Variants in PRR16 observed in about 807,000 individuals in gnomAD.
PRR16 encodes the protein protein Largen.
PRR16 carries 6 observed loss-of-function variants against 18.2 expected under a neutral mutation model. That is an observed-to-expected ratio of 0.33 (90% CI 0.18 to 0.65). PRR16 has a LOEUF of 0.65. Among genes scored for constraint, PRR16 ranks in the 30% least tolerant of loss-of-function variants. The pLI is 0.74. For synonymous variants in PRR16, 151 were observed against 147.8 expected (o/e 1.02, Z -0.16); for missense variants, 412 against 376.6 (o/e 1.09, Z -0.78).
chr5:120,527,780 T>C lies in PRR16; in HGVS notation c.159+63135T>C, dbSNP rs1415979722. Among the ~76,000 whole-genome samples, 3 of 152,110 alleles carry C rather than the reference T, an allele frequency of 2.0e-5. No homozygotes were observed. The East Asian group carries it at 5.8e-4, about 29-fold the overall frequency. On this transcript the variant is annotated intron_variant, in intron 1 of 1. Transcript: ENST00000407149. The stretch of plus-strand genomic sequence containing the variant: ...CCTATTTGAGTGTTCCCAGATATAG[T>C]GGCTGTTTTAGCAGAAGGGAGAGAA...
At chr5:120,595,394 T>C (rs77283898) in intron 1 of PRR16, among the ~76,000 whole-genome samples, 8,890 of 150,938 alleles carry the variant, frequency 0.059, 338 homozygotes, top group South Asian at 0.084. Flanking sequence ...CACAATGAGA[T>C]ACCATTTCAC....
chr5:120,763,056 C>T, the PRR16 span, among the ~76,000 whole-genome samples: 5 of 152,110 alleles, frequency 3.3e-5, no homozygotes, highest in South Asian at 2.1e-4. Flanking sequence ...GTGGCATACT[C>T]GGCACCTTTT....
At position 120,464,515 on chromosome 5, in the gene PRR16, C is replaced by A; in HGVS notation, c.29C>A (p.Ser10Tyr). Residue 10 changes from serine (S) to tyrosine (Y), a missense_variant, in exon 1 of 2, where the codon TCC (serine) becomes TAC (tyrosine). By Grantham distance (144) the Ser-to-Tyr change is moderately radical. Coordinates refer to ENST00000407149, the MANE Select transcript of PRR16 (RefSeq NM_001300783.2). MSAKSKGNP[S>Y]SSCPAEGPPA... ...TCAGCCAAGTCCAAGGGGAACCCCT[C>A]CTCGTCCTGTCCAGCCGAGGGACCG... 2 of 1,591,894 alleles carry A rather than the reference C, an allele frequency of 1.3e-6. No individual in the cohort carries two copies. Among genetic ancestry groups the A allele is most frequent in the Non-Finnish European group, 1.7e-6 (2 of 1,177,252 alleles).
At chr5:120,604,747 G>A (rs1024511366) in intron 1 of PRR16, among the ~76,000 whole-genome samples, 12 of 152,106 alleles carry the variant, frequency 7.9e-5, no homozygotes, top group East Asian at 3.8e-4. Flanking sequence ...AATTACCTTA[G>A]CATTTACTTG....
intron 1 of PRR16, among the ~76,000 whole-genome samples, chr5:120,610,766 G>A (rs1754309552): frequency 6.6e-6 from 1 of 152,044 alleles, no homozygotes; most frequent in African/African-American, 2.4e-5. Context: ...GTCTTTATCA[G>A]TAGCATAAAA....
the PRR16 span, among the ~76,000 whole-genome samples, chr5:120,777,219 T>C: frequency 6.6e-6 from 1 of 152,064 alleles, no homozygotes; most frequent in Admixed American, 6.6e-5. Context: ...AATAACCAAA[T>C]GAGTTTTATT....
intron 1 of PRR16, among the ~76,000 whole-genome samples, chr5:120,653,016 C>T (rs1457211896): frequency 6.6e-6 from 1 of 151,938 alleles, no homozygotes; most frequent in Non-Finnish European, 1.5e-5. Flanking sequence ...ACCTAAAATG[C>T]AGCCGAGTAA....
chr5:120,693,482 G>A, the PRR16 span, among the ~76,000 whole-genome samples: 1 of 152,230 alleles, frequency 6.6e-6, no homozygotes, highest in Non-Finnish European at 1.5e-5. Context: ...CAAAATGGAT[G>A]AGGCAAAACG....
chr5:120,701,094 C>T, the PRR16 span, among the ~76,000 whole-genome samples: 15 of 152,274 alleles, frequency 9.9e-5, no homozygotes, highest in African/African-American at 2.2e-4. Flanking sequence ...AACGCCTGGC[C>T]GCTGCAGTTC....
chr5:120,734,417 A>G, the PRR16 span, among the ~76,000 whole-genome samples: 12 of 152,160 alleles, frequency 7.9e-5, no homozygotes, highest in African/African-American at 2.7e-4. Flanking sequence ...TCTTTTCACT[A>G]GGAAGGAAAG....
the PRR16 span, among the ~76,000 whole-genome samples, chr5:120,694,006 G>C: frequency 2.0e-5 from 3 of 152,088 alleles, no homozygotes; most frequent in Non-Finnish European, 4.4e-5. Flanking sequence ...TTACCACCCA[G>C]TTTCCTAACA....
intron 1 of PRR16, among the ~76,000 whole-genome samples, chr5:120,627,417 T>G (rs1412517386): frequency 2.0e-5 from 3 of 152,104 alleles, no homozygotes; most frequent in Admixed American, 6.6e-5. Context: ...AAGATTCTTT[T>G]GGCAGCATAT....
chr5:120,516,147 G>C (rs962723313), intron 1 of PRR16, among the ~76,000 whole-genome samples: 1 of 152,132 alleles, frequency 6.6e-6, no homozygotes, highest in Non-Finnish European at 1.5e-5. Flanking sequence ...ACAAAAGCTG[G>C]TCGTGGTGGT....
At chr5:120,655,874 C>A (rs1175793982) in intron 1 of PRR16, among the ~76,000 whole-genome samples, 1 of 151,840 alleles carries the variant, frequency 6.6e-6, no homozygotes, top group Non-Finnish European at 1.5e-5. Flanking sequence ...TGGTATCCAT[C>A]ATTCCCAATT....
chr5:120,645,975 G>C (rs954955963), intron 1 of PRR16, among the ~76,000 whole-genome samples: 4 of 149,202 alleles, frequency 2.7e-5, no homozygotes, highest in African/African-American at 9.8e-5. Context: ...GATTGGAGCT[G>C]ATCAATTGAT....
the PRR16 span, among the ~76,000 whole-genome samples, chr5:120,769,290 G>A: frequency 1.3e-5 from 2 of 151,746 alleles, no homozygotes; most frequent in South Asian, 2.1e-4. Context: ...ACCATCACCA[G>A]TAATGGCAAT....
chr5:120,786,456 G>C, the PRR16 span, among the ~76,000 whole-genome samples: 1 of 150,814 alleles, frequency 6.6e-6, no homozygotes, highest in Admixed American at 6.6e-5. Context: ...TCTCTTAACA[G>C]TTACTACTTC....
the PRR16 span, among the ~76,000 whole-genome samples, chr5:120,705,543 T>C: frequency 6.6e-6 from 1 of 152,142 alleles, no homozygotes. Flanking sequence ...CTGTTCATTA[T>C]GTTTTTTCTT....
intron 1 of PRR16, among the ~76,000 whole-genome samples, chr5:120,519,698 C>T (rs1751110743): frequency 2.0e-5 from 3 of 151,982 alleles, no homozygotes; most frequent in Admixed American, 2.0e-4. Flanking sequence ...TCAGCATAAA[C>T]ATCTCTTGTG....
Sources: gnomAD v4.1 joint callset for allele counts (sites outside exome capture counted in the v4.1 genomes callset) on GRCh38, gnomAD v4.1.1 for gene constraint, MANE v1.5 for transcripts, NCBI Gene and HGNC (gene_info 2026-07-23, HGNC 2026-07-21) for gene names.